Variants in RNF212 observed in about 807,000 individuals in gnomAD.
RNF212 encodes ring finger protein 212.
A neutral mutation model predicts 34.7 loss-of-function variants in RNF212; 33 were observed. The ratio of observed to expected loss-of-function variants is 0.95; its 90% confidence interval spans 0.72 to 1.27. The LOEUF is 1.27. RNF212 is among the 50% of genes most tolerant of loss of function. The pLI, the probability that RNF212 is intolerant of heterozygous loss-of-function variation, is 0.00. For synonymous variants in RNF212, 140 were observed against 136.1 expected (o/e 1.03, Z -0.20); for missense variants, 377 against 362.2 (o/e 1.04, Z -0.33).
downstream of RNF212, among the ~76,000 whole-genome samples, chr4:1,071,204 T>A (rs926387265): frequency 6.6e-6 from 1 of 151,992 alleles, no homozygotes; most frequent in Non-Finnish European, 1.5e-5. Context: ...GTTGGTTTTT[T>A]AAATACTGTT....
downstream of RNF212, among the ~76,000 whole-genome samples, chr4:1,070,635 T>C (rs935059735): frequency 6.6e-6 from 1 of 151,964 alleles, no homozygotes; most frequent in African/African-American, 2.4e-5. Context: ...GACTGCGCTG[T>C]GTCAGCGTGG....
At chr4:1,076,671 T>G (rs1417366817) in intron 8 of RNF212, among the ~76,000 whole-genome samples, 1 of 152,218 alleles carries the variant, frequency 6.6e-6, no homozygotes, top group Non-Finnish European at 1.5e-5. Context: ...CCAAAGGAAC[T>G]GCTACACACA....
At chr4:1,061,320 G>T (rs1717734447) in intron 3 of RNF212, among the ~76,000 whole-genome samples, 1 of 152,174 alleles carries the variant, frequency 6.6e-6, no homozygotes, top group Admixed American at 6.5e-5. Context: ...CAAGGTGGGA[G>T]GGGAACGCTT....
chr4:1,094,220 C>G (rs373427911), intron 3 of RNF212, among the ~76,000 whole-genome samples: 1 of 152,154 alleles, frequency 6.6e-6, no homozygotes, highest in Non-Finnish European at 1.5e-5. Context: ...ACGGTGGGAG[C>G]TGCACTCTTC....
intron 5 of RNF212, among the ~76,000 whole-genome samples, chr4:1,082,126 AAAAGGAAAAGG>A (rs1720452803): frequency 6.6e-6 from 1 of 152,166 alleles, no homozygotes; most frequent in Non-Finnish European, 1.5e-5. Flanking sequence ...CTCATCTCAA[AAAAGGAAAAGG>A]AAGGGGAAAG....
At chr4:1,057,047 T>A in intron 4 of RNF212, 1 of 956,346 alleles carries the variant, frequency 1.0e-6, no homozygotes, top group Non-Finnish European at 1.2e-6. Flanking sequence ...GCTCGGAGCA[T>A]CTCTGGTGAC....
chr4:1,087,681 A>G (rs1238972260), intron 4 of RNF212, among the ~76,000 whole-genome samples: 2 of 150,396 alleles, frequency 1.3e-5, no homozygotes, highest in East Asian at 2.0e-4. Flanking sequence ...TCCCCACCCA[A>G]GTCTCATCTC....
chr4:1,071,116 TG>T (rs1353680940), downstream of RNF212, among the ~76,000 whole-genome samples: 1 of 151,950 alleles, frequency 6.6e-6, no homozygotes, highest in Non-Finnish European at 1.5e-5. Flanking sequence ...AAAACTAATT[TG>T]TTTTTTTAAA....
At chr4:1,059,071 C>T (rs1161465618) in intron 3 of RNF212, among the ~76,000 whole-genome samples, 1 of 152,246 alleles carries the variant, frequency 6.6e-6, no homozygotes, top group South Asian at 2.1e-4. Context: ...ATGGGAAACC[C>T]ACCCAGTGAG....
chr4:1,090,414 C>T (rs1271343426), intron 4 of RNF212, among the ~76,000 whole-genome samples: 1 of 152,168 alleles, frequency 6.6e-6, no homozygotes, highest in Non-Finnish European at 1.5e-5. Context: ...ACTACATAAC[C>T]TTCAAAGTTT....
At chr4:1,090,544 C>G (rs561639043) in intron 4 of RNF212, among the ~76,000 whole-genome samples, 1 of 152,298 alleles carries the variant, frequency 6.6e-6, no homozygotes, top group Non-Finnish European at 1.5e-5. Flanking sequence ...TGTGGCCAGG[C>G]AGGGAGGCCC....
intron 4 of RNF212, among the ~76,000 whole-genome samples, chr4:1,086,505 G>A (rs985039447): frequency 1.3e-4 from 18 of 142,758 alleles, no homozygotes; most frequent in African/African-American, 4.5e-4. Flanking sequence ...CCTGCAAGAA[G>A]CCTCCAGGCA....
At position 1,081,353 on chromosome 4, in the gene RNF212, T is replaced by C. The variant is rs1015284556; in HGVS notation, c.464+66A>G. On this transcript the variant is annotated intron_variant, in intron 7 of 9. Coordinates refer to ENST00000433731, the MANE Select transcript of RNF212 (RefSeq NM_001131034.4). Reference sequence around the variant, plus strand: ...GCTTGGAGAGGGGGTGGGGTTGGGATGGGAAGGCAGGTGCAGAATCGGAAA... The same window carrying C: ...GCTTGGAGAGGGGGTGGGGTTGGGACGGGAAGGCAGGTGCAGAATCGGAAA... The C allele has an allele frequency of 6.7e-6, 9 of 1,344,682 alleles. No individual in the cohort carries two copies. In the African/African-American group the frequency reaches 1.3e-4, roughly 20 times the overall value. 83.3% of individuals were successfully genotyped at this position (1,344,682 alleles called of 1,614,324 possible).
chr4:1,103,827 A>C (rs535360874), intron 2 of RNF212, among the ~76,000 whole-genome samples: 7 of 152,220 alleles, frequency 4.6e-5, no homozygotes, highest in African/African-American at 7.2e-5. Flanking sequence ...GAAAATGACG[A>C]GGGCGCCAGC....
intron 7 of RNF212, among the ~76,000 whole-genome samples, chr4:1,080,601 C>CTAAACCCACCAAT (rs1457180118): frequency 6.6e-6 from 1 of 152,176 alleles, no homozygotes; most frequent in Non-Finnish European, 1.5e-5. Context: ...CCTGCCTGCT[C>CTAAACCCACCAAT]TAAACCCACC....
Position 1,072,629 on chromosome 4 carries a change from C to A in RNF212, c.*245G>T. The A allele has an allele frequency of 9.4e-7, 1 of 1,062,038 alleles. No individual in the cohort carries two copies. Among genetic ancestry groups the A allele is most frequent in the Non-Finnish European group, 1.2e-6 (1 of 852,358 alleles). The allele number at this position is 1,062,038 out of a possible 1,614,324, so 65.8% of individuals were successfully genotyped here. On this transcript the variant is annotated 3_prime_UTR_variant, in exon 10 of 10. Coordinates refer to ENST00000433731, the MANE Select transcript of RNF212 (RefSeq NM_001131034.4). ...GATTTAAGTATGTGAAAAAAAAACT[C>A]CCTAAGCATGAGAACCTATAAAATA...
At chr4:1,086,375 T>A (rs1043663169) in intron 4 of RNF212, among the ~76,000 whole-genome samples, 1 of 151,746 alleles carries the variant, frequency 6.6e-6, no homozygotes, top group African/African-American at 2.4e-5. Flanking sequence ...AGAGAGTGAC[T>A]AGAGTCTAGG....
At chr4:1,073,850 T>G (rs6852155) in intron 8 of RNF212, 188 bp from the exon 9 acceptor site, 473,430 of 615,288 alleles carry the variant, frequency 0.77, 184,726 homozygotes, top group African/African-American at 0.94. Flanking sequence ...GTGGTAGAGG[T>G]GGTGTGGGTG....
At chr4:1,103,102 G>C (rs1218277040) in intron 2 of RNF212, among the ~76,000 whole-genome samples, 1 of 152,146 alleles carries the variant, frequency 6.6e-6, no homozygotes, top group Non-Finnish European at 1.5e-5. Flanking sequence ...TGAAAAATAT[G>C]AGTGGATAAC....
Sources: gnomAD v4.1 joint callset for allele counts (sites outside exome capture counted in the v4.1 genomes callset) on GRCh38, gnomAD v4.1.1 for gene constraint, MANE v1.5 for transcripts, NCBI Gene and HGNC (gene_info 2026-07-23, HGNC 2026-07-21) for gene names.